The following LRRC27 variants were observed in gnomAD, a reference collection of about 807,000 sequenced individuals.
LRRC27 encodes leucine rich repeat containing 27.
LRRC27 carries 57 observed loss-of-function variants against 55.0 expected under a neutral mutation model. The observed-to-expected ratio is 1.04, with a 90% CI of 0.84 to 1.29. The LOEUF (loss-of-function observed/expected upper bound fraction) is 1.29. LRRC27 is among the 50% of genes most tolerant of loss of function. The pLI is 0.00. For missense variants in LRRC27, 721 were observed against 651.5 expected (o/e 1.11, Z -1.16); for synonymous variants, 278 against 251.9 (o/e 1.10, Z -0.98).
intron 8 of LRRC27, among the ~76,000 whole-genome samples, chr10:132,360,685 T>G (rs542456293): frequency 6.6e-6 from 1 of 152,274 alleles, no homozygotes; most frequent in African/African-American, 2.4e-5. Flanking sequence ...GGAAATACAT[T>G]TGGAGGAGAG....
intron 7 of LRRC27, chr10:132,353,179 G>A (rs778362186): frequency 7.6e-4 from 1,068 of 1,412,374 alleles, no homozygotes; most frequent in Non-Finnish European, 9.0e-4. Flanking sequence ...GAGGAGGAAG[G>A]GAGAGCGAGG....
intron 5 of LRRC27, among the ~76,000 whole-genome samples, chr10:132,346,462 G>A (rs1564831763): frequency 6.6e-6 from 1 of 152,156 alleles, no homozygotes; most frequent in Non-Finnish European, 1.5e-5. Flanking sequence ...GGATCACGAG[G>A]TCAGGAGATT....
intron 3 of LRRC27, among the ~76,000 whole-genome samples, chr10:132,338,710 C>A (rs7912110): frequency 0.14 from 20,005 of 139,964 alleles, 1,477 homozygotes; most frequent in African/African-American, 0.21. Flanking sequence ...TTCTTTCTTT[C>A]TTTTTTTTTT....
At chr10:132,351,879 C>G in intron 7 of LRRC27, 126 bp downstream of exon 7, 1 of 1,152,938 alleles carries the variant, frequency 8.7e-7, no homozygotes, top group Non-Finnish European at 1.2e-6. Context: ...GATGCTGATC[C>G]AGGATCCGTC....
intron 2 of LRRC27, among the ~76,000 whole-genome samples, chr10:132,336,217 G>C (rs184759924): frequency 0.02 from 2,477 of 126,346 alleles, 45 homozygotes; most frequent in Non-Finnish European, 0.025. Context: ...AGCTTGCCCT[G>C]GGGGGGGAAG....
At chr10:132,331,366 C>T, upstream of LRRC27, 1 of 1,487,356 alleles carries the variant, frequency 6.7e-7, no homozygotes, top group East Asian at 2.3e-5. Context: ...ACCACGCGAG[C>T]ACCTCCCCTC....
At chr10:132,364,399 ATCTACCTCCACACCCGCG>A (rs1564853143) in intron 9 of LRRC27, among the ~76,000 whole-genome samples, 17 of 148,856 alleles carry the variant, frequency 1.1e-4, no homozygotes, top group African/African-American at 3.3e-4. Flanking sequence ...CCACCCTTAC[ATCTACCTCCACACCCGCG>A]CTTACACCCA....
At chr10:132,353,188 G>A in intron 7 of LRRC27, 1 of 1,400,584 alleles carries the variant, frequency 7.1e-7, no homozygotes, top group African/African-American at 1.5e-5. Context: ...GGGAGAGCGA[G>A]GGCCTCGTCT....
At chr10:132,335,464 G>A (rs1260253501) in intron 2 of LRRC27, among the ~76,000 whole-genome samples, 1 of 150,290 alleles carries the variant, frequency 6.7e-6, no homozygotes, top group Non-Finnish European at 1.5e-5. Context: ...ATCCTCAGAG[G>A]CTGAGTACTA....
intron 10 of LRRC27, among the ~76,000 whole-genome samples, chr10:132,369,470 G>T (rs2069166433): frequency 2.0e-5 from 3 of 152,246 alleles, no homozygotes; most frequent in Admixed American, 2.0e-4. Context: ...ACACGGGGGA[G>T]CCGACATGCC....
chr10:132,370,056 C>T (rs551233214), intron 10 of LRRC27, among the ~76,000 whole-genome samples: 2 of 152,284 alleles, frequency 1.3e-5, no homozygotes, highest in Admixed American at 1.3e-4. Flanking sequence ...ACGGAGGTGC[C>T]ACAACTGGCC....
At position 132,356,241 on chromosome 10, in the gene LRRC27, A is replaced by G. The variant is rs1343184956; in HGVS notation, c.1170+355A>G. On this transcript the variant is annotated intron_variant, in intron 8 of 10. Transcript: ENST00000368614. ...GGAAGGCGGAAGAGGAGATGAGGGG[A>G]AAAGATTCAAAAGATAAAAAGCAGC... Among the ~76,000 whole-genome samples the G allele has an allele frequency of 2.0e-5, 3 of 152,210 alleles. No individual in the cohort carries two copies. In the South Asian group the frequency reaches 6.2e-4, roughly 32 times the overall value.
intron 8 of LRRC27, 90 bp downstream of exon 8, chr10:132,355,976 C>T (rs551577715): frequency 2.4e-4 from 219 of 894,650 alleles, no homozygotes; most frequent in African/African-American, 4.2e-4. Context: ...GAGGATGAGC[C>T]GAGACCTGGG....
upstream of LRRC27, chr10:132,332,065 A>C: frequency 9.6e-5 from 19 of 198,516 alleles, no homozygotes; most frequent in Non-Finnish European, 1.3e-4. Context: ...CACAACACGC[A>C]CACCCCCGCG....
chr10:132,370,338 T>TGCCCAGGAGACAGGGACATAAACA (rs1315980598), intron 10 of LRRC27, among the ~76,000 whole-genome samples: 10 of 152,356 alleles, frequency 6.6e-5, no homozygotes, highest in African/African-American at 2.4e-4. Context: ...TATGTCACCC[T>TGCCCAGGAGACAGGGACATAAACA]GCCCAGGAGA....
chr10:132,332,869 G>A (rs1044387009), intron 1 of LRRC27, among the ~76,000 whole-genome samples: 4 of 152,194 alleles, frequency 2.6e-5, no homozygotes, highest in African/African-American at 9.7e-5. Flanking sequence ...AAATTGTTTG[G>A]AAATTGCAAG....
intron 9 of LRRC27, among the ~76,000 whole-genome samples, chr10:132,361,805 C>CTG (rs1388064431): frequency 6.6e-6 from 1 of 152,104 alleles, no homozygotes; most frequent in African/African-American, 2.4e-5. Flanking sequence ...GCCATGGCTC[C>CTG]TGTAGGTCAC....
chr10:132,358,667 G>C (rs1194155707), intron 8 of LRRC27, among the ~76,000 whole-genome samples: 3 of 102,334 alleles, frequency 2.9e-5, no homozygotes, highest in East Asian at 9.7e-4. Flanking sequence ...AGGAGCCGAG[G>C]TGGTGGAGCA....
chr10:132,367,630 A>G (rs181887181), intron 10 of LRRC27, among the ~76,000 whole-genome samples: 1 of 152,266 alleles, frequency 6.6e-6, no homozygotes, highest in Non-Finnish European at 1.5e-5. Context: ...TTATCAATAG[A>G]TGCAGAAAAA....
Sources: gnomAD v4.1 joint callset for allele counts (sites outside exome capture counted in the v4.1 genomes callset) on GRCh38, gnomAD v4.1.1 for gene constraint, MANE v1.5 for transcripts, NCBI Gene and HGNC (gene_info 2026-07-23, HGNC 2026-07-21) for gene names.